The following NDOR1 variants were observed in gnomAD, a reference collection of about 807,000 sequenced individuals.
NDOR1 encodes NADPH dependent diflavin oxidoreductase 1.
NDOR1 carries 61 observed loss-of-function variants against 67.2 expected under a neutral mutation model. The observed-to-expected ratio is 0.91, with a 90% CI of 0.74 to 1.12. The LOEUF (loss-of-function observed/expected upper bound fraction) is 1.12, where lower values mean the gene tolerates loss of function less well. NDOR1 is among the 50% of genes most tolerant of loss of function. The pLI is 0.00. For synonymous variants in NDOR1, 378 were observed against 343.7 expected, an observed-to-expected ratio of 1.10 and a Z score of -1.10; for missense variants, 878 against 802.8, an observed-to-expected ratio of 1.09 and a Z score of -1.13.
At chr9:137,213,753 C>T in intron 3 of NDOR1, 27 bp from the exon 4 acceptor site, 1 of 1,608,714 alleles carries the variant, frequency 6.2e-7, no homozygotes, top group Non-Finnish European at 8.5e-7. Flanking sequence ...GGGCTCCAGC[C>T]CAGGACCAGC....
chr9:137,213,179 G>A (rs1188831927), intron 3 of NDOR1, among the ~76,000 whole-genome samples: 1 of 152,258 alleles, frequency 6.6e-6, no homozygotes, highest in Non-Finnish European at 1.5e-5. Context: ...GCTCCCCCCG[G>A]TTCTGCCGGG....
In NDOR1 at chr9:137,218,006, G is replaced by C. The variant is rs567958932; in HGVS notation, c.*1590G>C. On this transcript the variant is annotated 3_prime_UTR_variant, in exon 14 of 14. Coordinates refer to ENST00000684003, the MANE Select transcript of NDOR1 (RefSeq NM_014434.4). ...GCTGGGGGCCAAAGCCATGGAGGGT[G>C]CCTGGGCCCTTCCAACCTGGAAGGA... 5.0e-6 allele frequency: 2 copies of C among 399,124 alleles called. No individual in the cohort carries two copies. Among genetic ancestry groups the C allele is most frequent in the East Asian group, 3.6e-5 (1 of 28,108 alleles). 24.7% of individuals were successfully genotyped at this position (399,124 alleles called of 1,614,324 possible).
rs1000574292 is a variant in NDOR1, at chr9:137,218,334, G to A, written c.*1918G>A. On this transcript the variant is annotated 3_prime_UTR_variant, in exon 14 of 14. Coordinates refer to ENST00000684003, the MANE Select transcript of NDOR1 (RefSeq NM_014434.4). Reference sequence around the variant, plus strand: ...CGAGAGGCCCCTGCATCCTATCACCGCAACCCTGGGCCCTGGGGCTCCCTG... The same window carrying A: ...CGAGAGGCCCCTGCATCCTATCACCACAACCCTGGGCCCTGGGGCTCCCTG... 63 of 397,962 alleles carry A rather than the reference G, an allele frequency of 1.6e-4. No homozygotes were observed. The highest frequency in any genetic ancestry group is 9.7e-4 in the African/African-American group (47 of 48,636). 24.7% of individuals were successfully genotyped at this position (397,962 alleles called of 1,614,324 possible). A position where few individuals can be genotyped will look rare whatever the true frequency, so the allele number is the denominator to read the frequency against.
intron 2 of NDOR1, among the ~76,000 whole-genome samples, chr9:137,209,845 A>G (rs1835162737): frequency 6.6e-6 from 1 of 152,190 alleles, no homozygotes; most frequent in Non-Finnish European, 1.5e-5. Context: ...TAATCCCAAC[A>G]CTTTGGGAGG....
In NDOR1 at chr9:137,215,929, G is replaced by A. The variant is rs552005801; in HGVS notation, c.1466G>A (p.Arg489Gln). 139 of 1,613,676 alleles carry A rather than the reference G, an allele frequency of 8.6e-5. No individual in the cohort carries two copies. The highest frequency in any genetic ancestry group is 8.0e-4 in the East Asian group (36 of 44,886). ...TTCTTGTTTTTTGGCTGCCGCTGGC[G>A]GGACCAAGACTTCTACTGGGAGGCT... ...GNFLFFGCRW[R>Q]DQDFYWEAEW... The change falls in exon 12 of 14, where the codon CGG (arginine) becomes CAG (glutamine). Residue 489 changes from arginine to glutamine, a missense_variant. Physicochemically the swap from Arg to Gln is conservative, Grantham distance 43. Transcript: ENST00000684003.
At position 137,205,908 on chromosome 9, in the gene NDOR1, C is replaced by G; in HGVS notation, c.131C>G (p.Pro44Arg). 6.3e-7 allele frequency: 1 copy of G among 1,590,576 alleles called. No homozygotes were observed. The highest frequency in any genetic ancestry group is 8.5e-7 in the Non-Finnish European group (1 of 1,174,182). ...GCRVQALDSY[P>R]VVNLINEPLV... ...CGGGTGCAGGCCCTGGACTCCTACC[C>G]GGTGGTGAGGGCTCGCTAGGGCCTC... Residue 44 changes from proline to arginine, a missense_variant, in exon 1 of 14, where the codon CCG becomes CGG. Coordinates refer to ENST00000684003, the MANE Select transcript of NDOR1 (RefSeq NM_014434.4).
intron 9 of NDOR1, 59 bp downstream of exon 9, chr9:137,215,261 G>C (rs546249192): frequency 1.9e-6 from 3 of 1,567,422 alleles, no homozygotes; most frequent in Non-Finnish European, 2.6e-6. Flanking sequence ...GACCGGGGCT[G>C]TGGGGTTTTG....
chr9:137,212,694 G>A lies in NDOR1; in HGVS notation c.311+95G>A. 3.5e-6 allele frequency: 4 copies of A among 1,139,778 alleles called. No individual in the cohort carries two copies. Among genetic ancestry groups the A allele is most frequent in the Non-Finnish European group, 5.3e-6 (4 of 758,192 alleles). 70.6% of individuals were successfully genotyped at this position (1,139,778 alleles called of 1,614,324 possible). A position where few individuals can be genotyped will look rare whatever the true frequency, so the allele number is the denominator to read the frequency against. On this transcript the variant is annotated intron_variant, in intron 3 of 13. Transcript: ENST00000684003. The surrounding 1 kb of genome is among the most constrained non-coding windows in gnomAD (Gnocchi z 4.3). ...GGACCGAGACCAGCTTCCAGGGTCG[G>A]CCCCTGCGCGCCTCAGGGCCCTCGC...
At position 137,213,633 on chromosome 9, in the gene NDOR1, G is replaced by A. The variant is rs557069745; in HGVS notation, c.312-147G>A. The A allele has an allele frequency of 6.9e-5, 54 of 783,236 alleles. No individual in the cohort carries two copies. In the African/African-American group the frequency reaches 7.9e-4, roughly 11 times the overall value. 48.5% of individuals were successfully genotyped at this position (783,236 alleles called of 1,614,324 possible). A position where few individuals can be genotyped will look rare whatever the true frequency, so the allele number is the denominator to read the frequency against. The stretch of plus-strand genomic sequence containing the variant: ...GAGGCCCTGCCCCCTCCTAGGGTGC[G>A]GCCAGCGTGGAGTGTGTTTTCCACC... On this transcript the variant is annotated intron_variant, in intron 3 of 13. Coordinates refer to ENST00000684003, the MANE Select transcript of NDOR1 (RefSeq NM_014434.4).
chr9:137,215,506 C>G lies in NDOR1; in HGVS notation c.1273C>G (p.Leu425Val). 6.2e-7 allele frequency: 1 copy of G among 1,613,354 alleles called. No homozygotes were observed. Among genetic ancestry groups the G allele is most frequent in the Non-Finnish European group, 8.5e-7 (1 of 1,179,994 alleles). The change falls in exon 10 of 14, where the codon CTG (leucine) becomes GTG (valine). Residue 425 changes from leucine to valine, a missense_variant. Coordinates refer to ENST00000684003, the MANE Select transcript of NDOR1 (RefSeq NM_014434.4). ...CCTCTGCTCCTCCTGGCTGGCATCC[C>G]TGGACCCTGGGCAAGGTGACCCCTG... ...RGLCSSWLAS[L>V]DPGQGPVRVP...
intron 5 of NDOR1, 21 bp downstream of exon 5, chr9:137,214,089 A>T: frequency 6.5e-7 from 1 of 1,532,996 alleles, no homozygotes; most frequent in Non-Finnish European, 8.7e-7. Flanking sequence ...GCCCCGGGTC[A>T]CCCACAGGCG....
At chr9:137,214,167 G>A (rs1183745998) in intron 5 of NDOR1, 37 bp from the exon 6 acceptor site, 5 of 1,578,086 alleles carry the variant, frequency 3.2e-6, no homozygotes, top group Middle Eastern at 3.3e-4. Flanking sequence ...GGCCCCTGGG[G>A]AGTGGGTCCT....
intron 2 of NDOR1, among the ~76,000 whole-genome samples, chr9:137,206,594 T>C (rs1022836600): frequency 1.3e-5 from 2 of 152,242 alleles, no homozygotes; most frequent in African/African-American, 4.8e-5. Flanking sequence ...CTAGACTGTA[T>C]GACCCTCAGG....
chr9:137,217,666 C>A lies in NDOR1; in HGVS notation c.*1250C>A. On this transcript the variant is annotated 3_prime_UTR_variant, in exon 14 of 14. Transcript: ENST00000684003. ...CTGGGGCCCCAGTCAAGTCCACTTC[C>A]AGTGAGGAGAGCCAGCCGGGAGGTC... 3.8e-6 allele frequency: 1 copy of A among 266,384 alleles called. No individual in the cohort carries two copies. Among genetic ancestry groups the A allele is most frequent in the Non-Finnish European group, 7.0e-6 (1 of 142,116 alleles). 16.5% of individuals were successfully genotyped at this position (266,384 alleles called of 1,614,324 possible). A position where few individuals can be genotyped will look rare whatever the true frequency, so the allele number is the denominator to read the frequency against.
At chr9:137,213,672 C>T in intron 3 of NDOR1, 108 bp from the exon 4 acceptor site, 1 of 1,142,006 alleles carries the variant, frequency 8.8e-7, no homozygotes, top group Middle Eastern at 2.7e-4. Context: ...GGGAGGCCCT[C>T]CCCAGGCTCC....
In NDOR1 at chr9:137,212,524, G is replaced by C; in HGVS notation, c.236G>C (p.Arg79Pro). ...TAGAACTTCTGGAGGTTTATATTCC[G>C]GAAGAACCTGCCCTCCACTGCCCTC... is the stretch of plus-strand genomic sequence containing the variant. ...NMKNFWRFIF[R>P]KNLPSTALCQ... The change falls in exon 3 of 14, where the codon CGG becomes CCG. Residue 79 changes from arginine to proline, a missense_variant. Coordinates refer to ENST00000684003, the MANE Select transcript of NDOR1 (RefSeq NM_014434.4). This position sits in a 1 kb window ranked among gnomAD's most constrained non-coding sequence, Gnocchi z 4.3. 6.2e-7 allele frequency: 1 copy of C among 1,614,048 alleles called. No homozygotes were observed. Among genetic ancestry groups the C allele is most frequent in the Non-Finnish European group, 8.5e-7 (1 of 1,179,956 alleles).
Position 137,212,563 on chromosome 9 carries a change from T to C in NDOR1, c.275T>C (p.Phe92Ser), listed in dbSNP as rs759340000. The C allele has an allele frequency of 6.2e-6, 10 of 1,614,050 alleles. No individual in the cohort carries two copies. The highest frequency in any genetic ancestry group is 3.3e-5 in the Admixed American group (2 of 60,012). ...TCCACTGCCCTCTGTCAGATGGACTTTGCCGTCCTGGGCCTCGGGGACTCC... is the reference window on the plus strand; with the variant it reads ...TCCACTGCCCTCTGTCAGATGGACTCTGCCGTCCTGGGCCTCGGGGACTCC... ...LPSTALCQMD[F>S]AVLGLGDSSY... Residue 92 changes from phenylalanine (F) to serine (S), a missense_variant, in exon 3 of 14, where the codon TTT becomes TCT. By Grantham distance (155) the Phe-to-Ser change is radical. Coordinates refer to ENST00000684003, the MANE Select transcript of NDOR1 (RefSeq NM_014434.4). The surrounding 1 kb of genome is among the most constrained non-coding windows in gnomAD (Gnocchi z 4.3).
At chr9:137,213,456 C>G (rs893820401) in intron 3 of NDOR1, among the ~76,000 whole-genome samples, 1 of 152,168 alleles carries the variant, frequency 6.6e-6, no homozygotes, top group Admixed American at 6.5e-5. Context: ...GCCTGGAGGC[C>G]TCAGCTGCCT....
chr9:137,209,787 G>A (rs1367834822), intron 2 of NDOR1, among the ~76,000 whole-genome samples: 1 of 152,266 alleles, frequency 6.6e-6, no homozygotes, highest in African/African-American at 2.4e-5. Flanking sequence ...GTCCCTGCCT[G>A]TCTGGTGAAG....
Sources: gnomAD v4.1 joint callset for allele counts (sites outside exome capture counted in the v4.1 genomes callset) on GRCh38, gnomAD v4.1.1 for gene constraint, Gnocchi (gnomAD v3.1) non-coding constraint, MANE v1.5 for transcripts, NCBI Gene and HGNC (gene_info 2026-07-23, HGNC 2026-07-21) for gene names.